Variants in DHX38 observed in about 807,000 individuals in gnomAD.
DHX38 encodes the protein DEAH-box helicase 38.
DHX38 carries 100 observed loss-of-function variants against 153.1 expected under a neutral mutation model. That is an observed-to-expected ratio of 0.65 (90% CI 0.56 to 0.77). DHX38 has a LOEUF of 0.77. Among genes scored for constraint, DHX38 ranks in the 30% least tolerant of loss-of-function variants. The pLI, the probability that DHX38 is intolerant of heterozygous loss-of-function variation, is 0.00. For missense variants in DHX38, 1,440 were observed against 1,654.0 expected (o/e 0.87, Z 2.24); for synonymous variants, 650 against 631.7 (o/e 1.03, Z -0.43).
In DHX38 at chr16:72,104,406, C is replaced by G; in HGVS notation, c.2011-80C>G. ...TTGTCAGCTTTGGCTTGTGTTTCCT[C>G]GGGGGTGGTGCTGATGGGACTGGGG... On this transcript the variant is annotated intron_variant, in intron 14 of 26. Coordinates refer to ENST00000268482, the MANE Select transcript of DHX38 (RefSeq NM_014003.4). This position sits in a 1 kb window ranked among gnomAD's most constrained non-coding sequence, Gnocchi z 4.5. 1.9e-6 allele frequency: 3 copies of G among 1,569,638 alleles called. No homozygotes were observed. Among genetic ancestry groups the G allele is most frequent in the Non-Finnish European group, 2.6e-6 (3 of 1,158,706 alleles).
intron 4 of DHX38, among the ~76,000 whole-genome samples, chr16:72,098,332 C>T (rs1032180904): frequency 2.6e-5 from 4 of 152,078 alleles, no homozygotes; most frequent in African/African-American, 9.7e-5. Flanking sequence ...ATTCGGTAGG[C>T]TGAGGCAGGA....
In DHX38 at chr16:72,098,786, G is replaced by A. The variant is rs763111684; in HGVS notation, c.758G>A (p.Arg253Gln). 3.5e-5 allele frequency: 56 copies of A among 1,613,982 alleles called. No individual in the cohort carries two copies. The highest frequency in any genetic ancestry group is 4.4e-5 in the Non-Finnish European group (52 of 1,179,996). The change falls in exon 5 of 27, where the codon CGA (arginine) becomes CAA (glutamine). Residue 253 changes from arginine to glutamine, a missense_variant. Arg to Gln is a conservative substitution (Grantham distance 43, BLOSUM62 1). Coordinates refer to ENST00000268482, the MANE Select transcript of DHX38 (RefSeq NM_014003.4). ...AGCCATCGGCTGTCCACTCGAGATC[G>A]AGACAGGTGATGTTCTGGGCAGAGC... is the stretch of plus-strand genomic sequence containing the variant. ...ERSHRLSTRD[R>Q]DRSVRGKYSD...
intron 12 of DHX38, 79 bp downstream of exon 12, chr16:72,103,290 T>C: frequency 6.5e-7 from 1 of 1,545,962 alleles, no homozygotes; most frequent in Non-Finnish European, 8.7e-7. Context: ...AGGAGCTCTT[T>C]TTCTTTTGTG....
intron 17 of DHX38, 47 bp from the exon 18 acceptor site, chr16:72,105,470 C>T (rs544541317): frequency 2.5e-6 from 4 of 1,610,416 alleles, no homozygotes; most frequent in South Asian, 1.1e-5. Context: ...CGGAGCCTTT[C>T]CTGTCTCGAG....
In DHX38 at chr16:72,096,409, G is replaced by C. The variant is rs142792449; in HGVS notation, c.252G>C (p.Glu84Asp). The C allele has an allele frequency of 6.2e-7, 1 of 1,614,096 alleles. No homozygotes were observed. Among genetic ancestry groups the C allele is most frequent in the Non-Finnish European group, 8.5e-7 (1 of 1,180,020 alleles). ...TCTCCTCCTACAAGGACTGGGAAGA[G>C]AGCAAGGATGACCAGAAGGATGCTG... is the stretch of plus-strand genomic sequence containing the variant. Reference protein sequence around the residue: ...SKVSSYKDWEESKDDQKDAEE... With the variant: ...SKVSSYKDWEDSKDDQKDAEE... Residue 84 changes from glutamate to aspartate, a missense_variant, in exon 2 of 27, where the codon GAG becomes GAC. Physicochemically the swap from Glu to Asp is conservative, Grantham distance 45 (BLOSUM62 2). Coordinates refer to ENST00000268482, the MANE Select transcript of DHX38 (RefSeq NM_014003.4).
intron 24 of DHX38, among the ~76,000 whole-genome samples, chr16:72,109,179 T>G (rs1487901811): frequency 6.6e-6 from 1 of 152,208 alleles, no homozygotes; most frequent in Admixed American, 6.5e-5. Context: ...GAGCAACCCC[T>G]CTTGGTGTCA....
intron 1 of DHX38, 125 bp from the exon 2 acceptor site, chr16:72,096,014 A>G: frequency 1.0e-6 from 1 of 993,856 alleles, no homozygotes; most frequent in African/African-American, 1.6e-5. Flanking sequence ...AGGGAGCAAA[A>G]GTAGTCCTGG....
At chr16:72,105,190 G>T (rs200098000) in intron 16 of DHX38, 42 bp from the exon 17 acceptor site, 5 of 1,613,768 alleles carry the variant, frequency 3.1e-6, no homozygotes, top group Non-Finnish European at 4.2e-6. Flanking sequence ...CATATGAGAG[G>T]TTAGGGTTCC....
At chr16:72,102,728 G>T (rs999781361) in intron 11 of DHX38, among the ~76,000 whole-genome samples, 4 of 152,172 alleles carry the variant, frequency 2.6e-5, no homozygotes, top group African/African-American at 9.7e-5. Flanking sequence ...ATTGCCCGAG[G>T]GTATTTTCTA....
At position 72,104,496 on chromosome 16, in the gene DHX38, G is replaced by A. The variant is rs201984534; in HGVS notation, c.2021G>A (p.Arg674Gln). The change falls in exon 15 of 27, where the codon CGG becomes CAG. Residue 674 changes from arginine (R) to glutamine (Q), a missense_variant. By Grantham distance (43) the Arg-to-Gln change is conservative. Transcript: ENST00000268482. This position sits in a 1 kb window ranked among gnomAD's most constrained non-coding sequence, Gnocchi z 4.5. ...CGCCTCTTCTCTCAGGTAGTGGCTC[G>A]GCGCTCAGACCTGAAGCTCATCGTC... ...LFGLLREVVARRSDLKLIVTS... is the reference protein window; with the variant it reads ...LFGLLREVVAQRSDLKLIVTS... 4.3e-6 allele frequency: 7 copies of A among 1,612,624 alleles called. No individual in the cohort carries two copies. Among genetic ancestry groups the A allele is most frequent in the Admixed American group, 1.7e-5 (1 of 59,954 alleles).
intron 25 of DHX38, among the ~76,000 whole-genome samples, chr16:72,110,467 A>G (rs948367505): frequency 1.3e-5 from 2 of 152,118 alleles, no homozygotes; most frequent in Admixed American, 1.3e-4. Flanking sequence ...CTTCCCTGAT[A>G]GGTTTCCACT....
At position 72,104,444 on chromosome 16, in the gene DHX38, G is replaced by A. The variant is rs1315329263; in HGVS notation, c.2011-42G>A. 1.1e-5 allele frequency: 18 copies of A among 1,608,152 alleles called. No homozygotes were observed. The highest frequency in any genetic ancestry group is 5.9e-6 in the Non-Finnish European group (7 of 1,178,948). On this transcript the variant is annotated intron_variant, in intron 14 of 26. Coordinates refer to ENST00000268482, the MANE Select transcript of DHX38 (RefSeq NM_014003.4). The surrounding 1 kb of genome is among the most constrained non-coding windows in gnomAD (Gnocchi z 4.5). ...GATGGGACTGGGGGACAGGAGCCAA[G>A]GGTCCCCACCATGGGGGCCTCCGAG...
At position 72,105,283 on chromosome 16, in the gene DHX38, G is replaced by A. The variant is rs1477471382; in HGVS notation, c.2314G>A (p.Ala772Thr). ...TCTGGAGGAACTGGAGAACGCGCCTGCCCTGGCTGTGCTGCCCATCTACTC... is the reference window on the plus strand; with the variant it reads ...TCTGGAGGAACTGGAGAACGCGCCTACCCTGGCTGTGCTGCCCATCTACTC... ...EHLEELENAPALAVLPIYSQL... is the reference protein window; with the variant it reads ...EHLEELENAPTLAVLPIYSQL... Residue 772 changes from alanine to threonine, a missense_variant, in exon 17 of 27, where the codon GCC (alanine) becomes ACC (threonine). Physicochemically the swap from Ala to Thr is moderately conservative, Grantham distance 58. This residue lies in a region of DHX38 where 543 missense variants were observed against 717.9 expected (regional missense o/e 0.76). Transcript: ENST00000268482. 2 of 1,614,178 alleles carry A rather than the reference G, an allele frequency of 1.2e-6. No homozygotes were observed. Among genetic ancestry groups the A allele is most frequent in the Middle Eastern group, 1.6e-4 (1 of 6,062 alleles).
chr16:72,104,639 C>T lies in DHX38; in HGVS notation c.2151+13C>T, dbSNP rs1243366562. On this transcript the variant is annotated intron_variant, in intron 15 of 26. Transcript: ENST00000268482. The surrounding 1 kb of genome is among the most constrained non-coding windows in gnomAD (Gnocchi z 4.5). ...CCTCTTCAGCAAGGTATTGAGGCCA[C>T]CATGTTACGAACTGACCCTTCCATG... 1 of 1,614,080 alleles carries T rather than the reference C, an allele frequency of 6.2e-7. No individual in the cohort carries two copies. The highest frequency in any genetic ancestry group is 1.7e-5 in the Admixed American group (1 of 60,032).
rs151006640 is a variant in DHX38, at chr16:72,109,436, G to T, written c.3403G>T (p.Ala1135Ser). 1.2e-6 allele frequency: 2 copies of T among 1,613,012 alleles called. No individual in the cohort carries two copies. Among genetic ancestry groups the T allele is most frequent in the African/African-American group, 2.7e-5 (2 of 74,830 alleles). The change falls in exon 25 of 27, where the codon GCT becomes TCT. Residue 1135 changes from alanine to serine, a missense_variant. Around this residue, in one of 6 missense-constraint regions of DHX38, gnomAD observed 543 missense variants for 717.9 expected, o/e 0.76. Transcript: ENST00000268482. The stretch of plus-strand genomic sequence containing the variant: ...GCAGGAGTATATGCAGTGTGTGACC[G>T]CTGTGGACGGGGAGTGGCTGGCGGA... Reference protein sequence around the residue: ...TTKEYMQCVTAVDGEWLAELG... With the variant: ...TTKEYMQCVTSVDGEWLAELG...
At chr16:72,109,691 C>G (rs2042233019) in intron 25 of DHX38, 181 bp downstream of exon 25, 1 of 520,544 alleles carries the variant, frequency 1.9e-6, no homozygotes, top group Non-Finnish European at 3.2e-6. Context: ...GTTTGGTAGG[C>G]TGAGCCTTTA....
Position 72,102,963 on chromosome 16 carries a change from A to C in DHX38, c.1500-111A>C. On this transcript the variant is annotated intron_variant, in intron 11 of 26. Coordinates refer to ENST00000268482, the MANE Select transcript of DHX38 (RefSeq NM_014003.4). ...GATTCCCTGGCTGCTTTGGTGTCTCAGACTCTTGCCGAAGTCCTCATTCCT... is the reference window on the plus strand; with the variant it reads ...GATTCCCTGGCTGCTTTGGTGTCTCCGACTCTTGCCGAAGTCCTCATTCCT... 3.4e-6 allele frequency: 5 copies of C among 1,472,024 alleles called. No homozygotes were observed. The South Asian group carries it at 5.3e-5, about 16-fold the overall frequency. The allele number at this position is 1,472,024 out of a possible 1,614,324, so 91.2% of individuals were successfully genotyped here.
In DHX38 at chr16:72,096,291, GC is replaced by G; in HGVS notation, c.137del (p.Pro46LeufsTer12). ...EQHVFKAPAP[R>X]PSLLGLDLLA... ...CATGTCTTCAAGGCTCCTGCTCCCC[GC>G]CCTTCATTACTCGGACTGGACTTGC... On this transcript the variant is annotated frameshift_variant, in exon 2 of 27. Coordinates refer to ENST00000268482, the MANE Select transcript of DHX38 (RefSeq NM_014003.4). LOFTEE classifies it high-confidence loss of function. 6.2e-7 allele frequency: 1 copy of G among 1,614,146 alleles called. No individual in the cohort carries two copies. Among genetic ancestry groups the G allele is most frequent in the Non-Finnish European group, 8.5e-7 (1 of 1,180,010 alleles).
chr16:72,106,098 G>A lies in DHX38; in HGVS notation c.2581G>A (p.Gly861Ser). The A allele has an allele frequency of 6.2e-7, 1 of 1,614,188 alleles. No individual in the cohort carries two copies. The highest frequency in any genetic ancestry group is 8.5e-7 in the Non-Finnish European group (1 of 1,180,038). ...NQRSGRAGRT[G>S]PGQCFRLYTQ... ...GCGGTCAGGGCGAGCCGGCAGGACG[G>A]GCCCAGGTCAGTGTTTCAGGTAGGA... The change falls in exon 19 of 27, where the codon GGC becomes AGC. Residue 861 changes from glycine (G) to serine (S), a missense_variant. Transcript: ENST00000268482.
Sources: allele counts gnomAD v4.1 joint callset (sites outside exome capture counted in the v4.1 genomes callset), GRCh38; gene constraint gnomAD v4.1.1; regional missense constraint gnomAD v4.1.1; non-coding constraint Gnocchi (gnomAD v3.1); transcripts MANE v1.5; gene names NCBI Gene and HGNC (gene_info 2026-07-23, HGNC 2026-07-21).